The following UVSSA variants were observed in gnomAD, a reference collection of about 807,000 sequenced individuals.
The protein encoded by UVSSA is UV stimulated scaffold protein A.
In UVSSA, 72 loss-of-function variants were observed where a neutral mutation model predicts 73.9. The observed-to-expected ratio is 0.97, with a 90% CI of 0.81 to 1.19. UVSSA has a LOEUF of 1.19. UVSSA is among the 50% of genes most tolerant of loss of function. The pLI, the probability that UVSSA is intolerant of heterozygous loss-of-function variation, is 0.00. For synonymous variants in UVSSA, 454 were observed against 391.3 expected (o/e 1.16, Z -1.89); for missense variants, 1,150 against 965.0 (o/e 1.19, Z -2.54).
chr4:1,346,920 C>T (rs1386242218), upstream of UVSSA, among the ~76,000 whole-genome samples: 2 of 152,266 alleles, frequency 1.3e-5, no homozygotes, highest in African/African-American at 2.4e-5. Context: ...GCCTCGCCCT[C>T]GCCGGGAGCG....
chr4:1,385,639 C>T (rs1720031779), intron 13 of UVSSA: 1 of 573,300 alleles, frequency 1.7e-6, no homozygotes, highest in East Asian at 2.9e-5. Flanking sequence ...CCGCCGCAGA[C>T]TCCGCTTCTG....
upstream of UVSSA, among the ~76,000 whole-genome samples, chr4:1,346,685 C>T (rs1713733065): frequency 6.6e-6 from 1 of 151,908 alleles, no homozygotes; most frequent in Admixed American, 6.5e-5. Flanking sequence ...CGGGGGCCCG[C>T]GCCCGCCCGT....
At chr4:1,352,878 G>C in intron 4 of UVSSA, 152 bp from the exon 5 acceptor site, 2 of 1,088,638 alleles carry the variant, frequency 1.8e-6, no homozygotes, top group South Asian at 1.7e-5. Context: ...CTGGAAGGTC[G>C]AGGCTGGGGT....
rs542381385 is a variant in UVSSA at position 1,376,313 on chromosome 4, G to A, written c.1568+145G>A. 655 of 1,277,980 alleles carry A rather than the reference G, an allele frequency of 5.1e-4. 1 individual carries two copies. The highest frequency in any genetic ancestry group is 4.7e-3 in the African/African-American group (306 of 65,250). The allele number at this position is 1,277,980 out of a possible 1,614,324, so 79.2% of individuals were successfully genotyped here. A position where few individuals can be genotyped will look rare whatever the true frequency, so the allele number is the denominator to read the frequency against. On this transcript the variant is annotated intron_variant, in intron 10 of 13. Transcript: ENST00000389851. ...CTGCCCCACCTTCCGGGCACCTGGA[G>A]GGGCACAGGGGTGGGCCTCCCCTGC...
upstream of UVSSA, among the ~76,000 whole-genome samples, chr4:1,346,003 T>C (rs1045919199): frequency 7.3e-5 from 11 of 151,636 alleles, no homozygotes; most frequent in Admixed American, 2.0e-4. Context: ...GCTTGCTCAG[T>C]GAAGCAAGAG....
At chr4:1,382,970 C>T (rs1051759935) in intron 12 of UVSSA, among the ~76,000 whole-genome samples, 19 of 152,202 alleles carry the variant, frequency 1.2e-4, no homozygotes, top group African/African-American at 4.6e-4. Flanking sequence ...TTCCCGAGCC[C>T]GACCAGCACC....
upstream of UVSSA, among the ~76,000 whole-genome samples, chr4:1,342,752 C>T (rs573175237): frequency 2.6e-5 from 4 of 152,312 alleles, no homozygotes; most frequent in East Asian, 7.7e-4. Flanking sequence ...TTTCTTATCC[C>T]GTTGAATAAC....
rs775542169 is a variant in UVSSA at position 1,367,981 on chromosome 4, G to A, written c.1288+1550G>A. Reference sequence around the variant, plus strand: ...GGGGTGCCTGAGCACACCGTTGGCCGCTGCAATCTCCTTCATGGCTCTTGG... The same window carrying A: ...GGGGTGCCTGAGCACACCGTTGGCCACTGCAATCTCCTTCATGGCTCTTGG... On this transcript the variant is annotated intron_variant, in intron 8 of 13. Coordinates refer to ENST00000389851, the MANE Select transcript of UVSSA (RefSeq NM_020894.4). Among the ~76,000 whole-genome samples, 2 of 152,270 alleles carry A rather than the reference G, an allele frequency of 1.3e-5. 1 individual carries two copies. The highest frequency in any genetic ancestry group is 4.1e-4 in the South Asian group (2 of 4,838).
upstream of UVSSA, among the ~76,000 whole-genome samples, chr4:1,345,627 A>G (rs934016227): frequency 5.4e-5 from 7 of 130,156 alleles, no homozygotes; most frequent in African/African-American, 2.1e-4. Context: ...CCTGGGTGAC[A>G]AAGCGAGACT....
At chr4:1,371,303 C>T (rs1441735492) in intron 8 of UVSSA, among the ~76,000 whole-genome samples, 1 of 148,302 alleles carries the variant, frequency 6.7e-6, no homozygotes, top group Non-Finnish European at 1.5e-5. Context: ...AAATCGATGA[C>T]GTGTACATGA....
chr4:1,359,332 T>A (rs905288002), intron 7 of UVSSA: 11 of 152,216 alleles, frequency 7.2e-5, no homozygotes, highest in African/African-American at 2.4e-4. Context: ...TTTGGTAGAT[T>A]GCGTGTCCAG....
upstream of UVSSA, among the ~76,000 whole-genome samples, chr4:1,344,178 G>A (rs1713526618): frequency 6.6e-6 from 1 of 152,028 alleles, no homozygotes; most frequent in African/African-American, 2.4e-5. Flanking sequence ...TGCCTTGGGT[G>A]GTTTTCTTTG....
chr4:1,342,559 TA>T (rs561609258), upstream of UVSSA, among the ~76,000 whole-genome samples: 3 of 150,082 alleles, frequency 2.0e-5, no homozygotes, highest in East Asian at 1.9e-4. Context: ...TTCTATGTTC[TA>T]AAAAAAAAAT....
chr4:1,376,044 G>C lies in UVSSA; in HGVS notation c.1444G>C (p.Ala482Pro), dbSNP rs1718724787. ...PPPSSASPSRALPEPQEAQKL... is the reference protein window; with the variant it reads ...PPPSSASPSRPLPEPQEAQKL... ...ACTCTGCTCCTGTAGCCCCTCCAGA[G>C]CGTTGCCAGAGCCACAGGAGGCCCA... Residue 482 changes from alanine (A) to proline (P), a missense_variant, in exon 10 of 14, where the codon GCG becomes CCG. Ala to Pro is a conservative substitution (Grantham distance 27, BLOSUM62 -1). Transcript: ENST00000389851. The C allele has an allele frequency of 1.9e-6, 3 of 1,596,854 alleles. No homozygotes were observed. The highest frequency in any genetic ancestry group is 2.6e-6 in the Non-Finnish European group (3 of 1,172,872).
intron 12 of UVSSA, among the ~76,000 whole-genome samples, chr4:1,383,206 G>A (rs559357376): frequency 1.3e-5 from 2 of 152,348 alleles, no homozygotes; most frequent in South Asian, 2.1e-4. Flanking sequence ...GCCCCAGCCT[G>A]CATTTCTGAG....
In UVSSA at chr4:1,395,840, C is replaced by G. The variant is rs146895743; in HGVS notation, c.*9879C>G. ...ATCCCTTTTATATTTCTCTGCACCT[C>G]GAGATAACGTAGGAATATTAGGGAT... On this transcript the variant is annotated 3_prime_UTR_variant, in exon 14 of 14. Coordinates refer to the UVSSA transcript ENST00000511216. 1.9e-6 allele frequency: 3 copies of G among 1,613,110 alleles called. No homozygotes were observed. The African/African-American group carries it at 4.0e-5, about 22-fold the overall frequency.
At chr4:1,394,011 C>T (rs749454562) in exon 14 of UVSSA, 23 of 227,666 alleles carry the variant, frequency 1.0e-4, no homozygotes, top group Admixed American at 6.3e-4. Context: ...GTGCCTTCAG[C>T]GCTCCATCGC....
exon 14 of UVSSA, chr4:1,395,587 T>C (rs35263928): frequency 6.3e-7 from 1 of 1,589,310 alleles, no homozygotes; most frequent in Non-Finnish European, 8.6e-7. Context: ...CGTGCCCATG[T>C]GGAGTGCCCG....
intron 7 of UVSSA, among the ~76,000 whole-genome samples, chr4:1,359,918 C>T (rs1016782247): frequency 4.6e-5 from 7 of 152,242 alleles, no homozygotes; most frequent in Middle Eastern, 3.4e-3. Flanking sequence ...TCCTGCTGTG[C>T]GTGAGGGAAA....
Sources: allele counts gnomAD v4.1 joint callset (sites outside exome capture counted in the v4.1 genomes callset), GRCh38; gene constraint gnomAD v4.1.1; transcripts MANE v1.5; gene names NCBI Gene and HGNC (gene_info 2026-07-23, HGNC 2026-07-21).